The following LPP variants were observed in gnomAD, a reference collection of about 807,000 sequenced individuals.
LPP encodes lipoma-preferred partner.
A neutral mutation model predicts 60.4 loss-of-function variants in LPP; 38 were observed. That is an observed-to-expected ratio of 0.63 (90% CI 0.49 to 0.83). The LOEUF is 0.83. Among genes scored for constraint, LPP ranks in the 40% least tolerant of loss-of-function variants. The pLI, the probability that LPP is intolerant of heterozygous loss-of-function variation, is 0.00. For synonymous variants in LPP, 328 were observed against 290.8 expected (o/e 1.13, Z -1.30); for missense variants, 902 against 783.6 (o/e 1.15, Z -1.80).
At chr3:188,214,874 G>T (rs1712885688) in intron 1 of LPP, among the ~76,000 whole-genome samples, 1 of 152,176 alleles carries the variant, frequency 6.6e-6, no homozygotes, top group Non-Finnish European at 1.5e-5. Context: ...TGCTTAATGG[G>T]TGCCAAGCAC....
chr3:188,593,776 T>C (rs1055977218), intron 6 of LPP, among the ~76,000 whole-genome samples: 16 of 152,214 alleles, frequency 1.1e-4, no homozygotes, highest in Admixed American at 6.5e-4. Context: ...TGTTAATTCA[T>C]TCATTTTTAT....
At chr3:188,365,181 A>G (rs1770763818) in intron 3 of LPP, among the ~76,000 whole-genome samples, 2 of 148,346 alleles carry the variant, frequency 1.3e-5, no homozygotes, top group African/African-American at 5.0e-5. Flanking sequence ...TCCTTTTCCT[A>G]GAAGCTAATA....
intron 3 of LPP, among the ~76,000 whole-genome samples, chr3:188,390,157 G>A (rs1208919319): frequency 6.6e-6 from 1 of 152,146 alleles, no homozygotes; most frequent in Non-Finnish European, 1.5e-5. Context: ...TCACAGGCCT[G>A]CTCCTGCCCC....
intron 6 of LPP, among the ~76,000 whole-genome samples, chr3:188,539,465 G>A (rs182175056): frequency 9.9e-5 from 15 of 152,114 alleles, no homozygotes; most frequent in Admixed American, 7.9e-4. Context: ...ATGAAAACCC[G>A]TATCTAGGAA....
intron 7 of LPP, among the ~76,000 whole-genome samples, chr3:188,703,373 T>A (rs1211262550): frequency 6.6e-6 from 1 of 152,222 alleles, no homozygotes; most frequent in Non-Finnish European, 1.5e-5. Context: ...AGAGAGGTAT[T>A]AGAGTAGGTC....
intron 6 of LPP, among the ~76,000 whole-genome samples, chr3:188,601,177 T>G (rs1003531080): frequency 6.6e-6 from 1 of 152,180 alleles, no homozygotes; most frequent in Non-Finnish European, 1.5e-5. Flanking sequence ...TTTATGGCAT[T>G]GTTTTAATGA....
At chr3:188,396,486 AAC>A (rs1348332326) in intron 3 of LPP, among the ~76,000 whole-genome samples, 2 of 152,232 alleles carry the variant, frequency 1.3e-5, no homozygotes, top group African/African-American at 4.8e-5. Context: ...CTGTCAGGGA[AAC>A]ACAGCTAAGT....
intron 7 of LPP, among the ~76,000 whole-genome samples, chr3:188,618,072 A>C (rs1845180925): frequency 6.6e-6 from 1 of 152,184 alleles, no homozygotes; most frequent in South Asian, 2.1e-4. Flanking sequence ...TTGCACACAC[A>C]GTGTTAGGAA....
chr3:188,196,744 A>G (rs965386701), intron 1 of LPP, among the ~76,000 whole-genome samples: 10 of 152,210 alleles, frequency 6.6e-5, no homozygotes, highest in African/African-American at 2.4e-4. Flanking sequence ...GGAAAGAGGC[A>G]GGAAGTGGTT....
chr3:188,651,018 A>C (rs1185911714), intron 7 of LPP, among the ~76,000 whole-genome samples: 1 of 152,228 alleles, frequency 6.6e-6, no homozygotes, highest in Non-Finnish European at 1.5e-5. Flanking sequence ...AGAAAAAATA[A>C]ATAGGGACCC....
chr3:188,598,029 A>T (rs1425562912), intron 6 of LPP, among the ~76,000 whole-genome samples: 1 of 152,106 alleles, frequency 6.6e-6, no homozygotes, highest in Non-Finnish European at 1.5e-5. Flanking sequence ...GAGGTTCCAG[A>T]TTGGCTTCCT....
intron 6 of LPP, among the ~76,000 whole-genome samples, chr3:188,541,118 C>T (rs1240353271): frequency 6.6e-6 from 1 of 152,148 alleles, no homozygotes; most frequent in Non-Finnish European, 1.5e-5. Flanking sequence ...ATTTACTAAC[C>T]CTATCATTGG....
intron 9 of LPP, among the ~76,000 whole-genome samples, chr3:188,804,058 C>CTTTT (rs1486597216): frequency 6.6e-6 from 1 of 150,752 alleles, no homozygotes; most frequent in Non-Finnish European, 1.5e-5. Context: ...TTTTGGGGTG[C>CTTTT]TTTTACAAAT....
intron 3 of LPP, among the ~76,000 whole-genome samples, chr3:188,371,518 A>G (rs1254963714): frequency 2.7e-5 from 4 of 149,748 alleles, no homozygotes; most frequent in Admixed American, 2.0e-4. Flanking sequence ...ACAGGGTTTC[A>G]GGTCTAGGGA....
chr3:188,388,086 G>A (rs1395155152), intron 3 of LPP, among the ~76,000 whole-genome samples: 1 of 151,046 alleles, frequency 6.6e-6, no homozygotes, highest in East Asian at 1.9e-4. Flanking sequence ...TTTTTTTATT[G>A]CCTTTGAAGA....
At chr3:188,437,644 T>C (rs1792686710) in intron 4 of LPP, among the ~76,000 whole-genome samples, 1 of 152,228 alleles carries the variant, frequency 6.6e-6, no homozygotes, top group Non-Finnish European at 1.5e-5. Flanking sequence ...CACTTAATAC[T>C]ACAGAATAAG....
rs114602865 is a variant in LPP, at chr3:188,741,760, C to A, written c.1241-18353C>A. 5.8e-3 allele frequency among the ~76,000 whole-genome samples: 874 copies of A among 151,854 alleles called. 6 individuals carry two copies. Among genetic ancestry groups the A allele is most frequent in the African/African-American group, 0.02 (824 of 41,460 alleles). ...TATTTCTTAAGGAGTATACAAAAAA[C>A]CCCACAAACCATAAAGTTAAAAATG... On this transcript the variant is annotated intron_variant, in intron 8 of 11. Transcript: ENST00000617246.
chr3:188,273,589 C>CTTTTTTTTTTT (rs11380757), intron 2 of LPP, among the ~76,000 whole-genome samples: 19 of 80,430 alleles, frequency 2.4e-4, no homozygotes, highest in South Asian at 5.4e-4. Flanking sequence ...TATTTTATAT[C>CTTTTTTTTTTT]TTTTTTTTTT....
At chr3:188,509,668 TCC>T (rs1814685295) in intron 5 of LPP, among the ~76,000 whole-genome samples, 1 of 33,184 alleles carries the variant, frequency 3.0e-5, no homozygotes, top group Non-Finnish European at 7.0e-5. Context: ...CTTCCTTCCT[TCC>T]TTCCTTCCTT....
Sources: gnomAD v4.1 joint callset for allele counts (sites outside exome capture counted in the v4.1 genomes callset) on GRCh38, gnomAD v4.1.1 for gene constraint, MANE v1.5 for transcripts, NCBI Gene and HGNC (gene_info 2026-07-23, HGNC 2026-07-21) for gene names.